Variants in FMN2 observed in about 807,000 individuals in gnomAD.
FMN2 encodes formin-2.
A neutral mutation model predicts 142.3 loss-of-function variants in FMN2; 51 were observed. That is an observed-to-expected ratio of 0.36 (90% CI 0.29 to 0.45). The LOEUF (loss-of-function observed/expected upper bound fraction) is 0.45. Among genes scored for constraint, FMN2 ranks in the 20% least tolerant of loss-of-function variants. The pLI is 1.00. For missense variants in FMN2, 1,936 were observed against 2,122.8 expected, an observed-to-expected ratio of 0.91 and a Z score of 1.73; for synonymous variants, 882 against 869.8, an observed-to-expected ratio of 1.01 and a Z score of -0.25.
intron 4 of FMN2, among the ~76,000 whole-genome samples, chr1:240,188,693 CTG>C (rs1418530949): frequency 6.6e-6 from 1 of 152,158 alleles, no homozygotes; most frequent in African/African-American, 2.4e-5. Context: ...TAATTAGTAT[CTG>C]TTTAATTTCC....
chr1:240,368,967 A>G (rs552872192), intron 14 of FMN2, among the ~76,000 whole-genome samples: 1 of 151,350 alleles, frequency 6.6e-6, no homozygotes, highest in East Asian at 1.9e-4. Context: ...ATATATATAT[A>G]TATATAAACA....
chr1:240,195,612 A>C (rs1665883204), intron 4 of FMN2, among the ~76,000 whole-genome samples: 1 of 152,244 alleles, frequency 6.6e-6, no homozygotes, highest in Non-Finnish European at 1.5e-5. Flanking sequence ...GCAGGAATCT[A>C]AACCTGTATT....
intron 6 of FMN2, among the ~76,000 whole-genome samples, chr1:240,222,325 C>T (rs1667149451): frequency 6.6e-6 from 1 of 151,990 alleles, no homozygotes; most frequent in Non-Finnish European, 1.5e-5. Flanking sequence ...TTTCTGAGGC[C>T]TCTGCTCTGT....
chr1:240,315,837 G>C (rs1670763741), intron 8 of FMN2, among the ~76,000 whole-genome samples: 1 of 152,114 alleles, frequency 6.6e-6, no homozygotes, highest in Non-Finnish European at 1.5e-5. Flanking sequence ...GTAGTATATA[G>C]ACCACCCATA....
intron 2 of FMN2, among the ~76,000 whole-genome samples, chr1:240,141,914 C>G (rs932396687): frequency 1.3e-5 from 2 of 152,018 alleles, no homozygotes; most frequent in African/African-American, 4.8e-5. Context: ...CCTGGGGGAA[C>G]CAGATGCTCA....
chr1:240,463,845 A>G (rs1676524975), intron 16 of FMN2, among the ~76,000 whole-genome samples: 1 of 151,900 alleles, frequency 6.6e-6, no homozygotes, highest in South Asian at 2.1e-4. Flanking sequence ...TCTAGTTAAA[A>G]CACAAAAATT....
At chr1:240,231,842 G>C (rs941861539) in intron 6 of FMN2, among the ~76,000 whole-genome samples, 1 of 152,088 alleles carries the variant, frequency 6.6e-6, no homozygotes, top group Non-Finnish European at 1.5e-5. Flanking sequence ...ACATCTATCC[G>C]GTCTTATCAT....
chr1:240,335,883 C>T (rs562615670), intron 13 of FMN2, among the ~76,000 whole-genome samples: 1 of 151,910 alleles, frequency 6.6e-6, no homozygotes, highest in Non-Finnish European at 1.5e-5. Flanking sequence ...GTGGCTCACA[C>T]CTGTAATCCC....
intron 13 of FMN2, among the ~76,000 whole-genome samples, chr1:240,343,893 A>C (rs1392092623): frequency 6.6e-6 from 1 of 151,978 alleles, no homozygotes; most frequent in African/African-American, 2.4e-5. Flanking sequence ...GTCGGCGGGG[A>C]GTATTTGGAA....
chr1:240,093,381 G>C lies in FMN2; in HGVS notation c.1272G>C (p.Arg424=). The C allele has an allele frequency of 6.2e-7, 1 of 1,613,230 alleles. No individual in the cohort carries two copies. The highest frequency in any genetic ancestry group is 8.5e-7 in the Non-Finnish European group (1 of 1,179,668). ...ITPCYIKTTT[R]QLSSPNHSPS... ...CCTGCTACATCAAGACCACCACCCG[G>C]CAGCTCAGCTCGCCCAATCACTCCC... is the stretch of plus-strand genomic sequence containing the variant. Residue 424 remains arginine (R), a synonymous_variant, in exon 1 of 18, where the codon CGG becomes CGC. Coordinates refer to ENST00000319653, the MANE Select transcript of FMN2 (RefSeq NM_020066.5).
intron 13 of FMN2, among the ~76,000 whole-genome samples, chr1:240,353,654 T>C (rs1672169600): frequency 6.6e-6 from 1 of 152,228 alleles, no homozygotes; most frequent in South Asian, 2.1e-4. Context: ...TATAGAAATG[T>C]GGGCAATCTC....
In FMN2 at chr1:240,475,129, A is replaced by T. The variant is rs1488027043; in HGVS notation, c.*975A>T. 1 of 152,592 alleles carries T rather than the reference A, an allele frequency of 6.6e-6. No homozygotes were observed. The highest frequency in any genetic ancestry group is 1.5e-5 in the Non-Finnish European group (1 of 68,032). 9.5% of individuals were successfully genotyped at this position (152,592 alleles called of 1,614,324 possible). On this transcript the variant is annotated 3_prime_UTR_variant, in exon 18 of 18. Transcript: ENST00000319653. The stretch of plus-strand genomic sequence containing the variant: ...TTAGTGTTTCTATTTCAATTTTTCT[A>T]GGATGTTAATTTATATGAAAATAAA...
chr1:240,438,023 C>A lies in FMN2; in HGVS notation c.4911-38C>A, dbSNP rs762837113. The stretch of plus-strand genomic sequence containing the variant: ...AGAATATCCCATATTGGAAAGTAAT[C>A]ATGGCTTTTATGCTTTTGTGTGTGT... On this transcript the variant is annotated intron_variant, in intron 15 of 17. Coordinates refer to ENST00000319653, the MANE Select transcript of FMN2 (RefSeq NM_020066.5). The A allele has an allele frequency of 6.3e-6, 10 of 1,590,436 alleles. No individual in the cohort carries two copies. In the South Asian group the frequency reaches 9.3e-5, roughly 15 times the overall value.
intron 8 of FMN2, among the ~76,000 whole-genome samples, chr1:240,323,958 C>CA (rs1214487644): frequency 6.6e-6 from 1 of 152,182 alleles, no homozygotes; most frequent in East Asian, 1.9e-4. Flanking sequence ...TCTCAAGCCT[C>CA]ACTGTCATGC....
At chr1:240,244,699 C>T (rs1317018748) in intron 6 of FMN2, among the ~76,000 whole-genome samples, 1 of 152,182 alleles carries the variant, frequency 6.6e-6, no homozygotes, top group East Asian at 1.9e-4. Context: ...CAAATCTGCA[C>T]CAGCATCAGC....
intron 6 of FMN2, among the ~76,000 whole-genome samples, chr1:240,236,606 C>G (rs991133): frequency 0.34 from 52,058 of 152,006 alleles, 9,803 homozygotes; most frequent in Non-Finnish European, 0.42. Context: ...GTTTTACTCA[C>G]GGCAGAAGGT....
intron 6 of FMN2, among the ~76,000 whole-genome samples, chr1:240,241,050 T>C (rs913449018): frequency 1.3e-5 from 2 of 152,198 alleles, no homozygotes; most frequent in African/African-American, 4.8e-5. Flanking sequence ...CATTTTGTTT[T>C]AAGAGCCTGC....
At chr1:240,336,074 C>G (rs987477185) in intron 13 of FMN2, among the ~76,000 whole-genome samples, 1 of 152,074 alleles carries the variant, frequency 6.6e-6, no homozygotes, top group African/African-American at 2.4e-5. Context: ...ACCTGGGAGG[C>G]AGAGGTTGCA....
chr1:240,285,854 G>A (rs982869158), intron 7 of FMN2, among the ~76,000 whole-genome samples: 4 of 152,092 alleles, frequency 2.6e-5, no homozygotes, highest in African/African-American at 7.2e-5. Context: ...AAGTATTGAC[G>A]ACACTTTGTA....
Sources: gnomAD v4.1 joint callset for allele counts (sites outside exome capture counted in the v4.1 genomes callset) on GRCh38, gnomAD v4.1.1 for gene constraint, MANE v1.5 for transcripts, NCBI Gene and HGNC (gene_info 2026-07-23, HGNC 2026-07-21) for gene names.